Variants in PCDHAC1 observed in about 807,000 individuals in gnomAD.
PCDHAC1 encodes the protein protocadherin alpha subfamily C, 1.
A neutral mutation model predicts 60.0 loss-of-function variants in PCDHAC1; 42 were observed. The ratio of observed to expected loss-of-function variants is 0.70; its 90% CI spans 0.55 to 0.90. The LOEUF (loss-of-function observed/expected upper bound fraction) is 0.90. PCDHAC1 is among the 40% of genes least tolerant of loss of function. The probability of loss-of-function intolerance (pLI) is 0.00; values close to 1 mark genes in which losing one functional copy is unlikely to be tolerated. For missense variants in PCDHAC1, 1,160 were observed against 1,222.3 expected, an observed-to-expected ratio of 0.95 and a Z score of 0.76; for synonymous variants, 468 against 499.3, an observed-to-expected ratio of 0.94 and a Z score of 0.84.
At chr5:140,967,506 T>G in intron 1 of PCDHAC1, 7 of 1,612,946 alleles carry the variant, frequency 4.3e-6, no homozygotes, top group Non-Finnish European at 5.9e-6. Context: ...TCTGTGCGTG[T>G]CCTGGACACT....
intron 3 of PCDHAC1, among the ~76,000 whole-genome samples, chr5:140,990,652 A>T (rs1023448596): frequency 1.3e-4 from 20 of 152,208 alleles, no homozygotes; most frequent in Admixed American, 1.3e-3. Flanking sequence ...GCCAGTATGA[A>T]TGATTTACAT....
intron 3 of PCDHAC1, among the ~76,000 whole-genome samples, chr5:140,984,328 G>A (rs1221209076): frequency 3.3e-5 from 5 of 152,156 alleles, no homozygotes; most frequent in African/African-American, 1.2e-4. Context: ...GGCAAATGTG[G>A]AATAGGAACC....
At chr5:140,966,198 T>C in intron 1 of PCDHAC1, 1 of 214,428 alleles carries the variant, frequency 4.7e-6, no homozygotes, top group Non-Finnish European at 9.1e-6. Context: ...TTCTAGGGGC[T>C]TGACTGCTTT....
Position 140,928,056 on chromosome 5 carries a change from G to A in PCDHAC1, c.1164G>A (p.Thr388=), listed in dbSNP as rs183490994. ...CTAGTGCAGGCCCTTTTCAGCTGAC[G>A]GCTTCCTTTGACAACTACTACAGCC... ...GMSSAGPFQL[T]ASFDNYYSLL... The change falls in exon 1 of 4, where the codon ACG becomes ACA. Residue 388 remains threonine, a synonymous_variant. Coordinates refer to ENST00000253807, the MANE Select transcript of PCDHAC1 (RefSeq NM_018898.5). The A allele has an allele frequency of 2.8e-5, 45 of 1,614,154 alleles. 1 individual carries two copies. The East Asian group carries it at 4.7e-4, about 17-fold the overall frequency.
At position 140,982,439 on chromosome 5, in the gene PCDHAC1, G is replaced by A. The variant is rs553328430; in HGVS notation, c.2493-36G>A. The A allele has an allele frequency of 6.8e-5, 109 of 1,613,560 alleles. 3 individuals carry two copies. In the South Asian group the frequency reaches 1.0e-3, roughly 15 times the overall value. On this transcript the variant is annotated intron_variant, in intron 2 of 3. Transcript: ENST00000253807. ...GAAGAAGAGATGGGAAAGAATTTAT[G>A]ATCTAACCGTTATCTGGGTCTGTGT... is the stretch of plus-strand genomic sequence containing the variant.
Position 140,995,742 on chromosome 5 carries a change from A to G in PCDHAC1, c.2581+13179A>G, listed in dbSNP as rs1354360972. Among the ~76,000 whole-genome samples the G allele has an allele frequency of 7.2e-5, 11 of 152,280 alleles. No individual in the cohort carries two copies. In the East Asian group the frequency reaches 2.1e-3, roughly 29 times the overall value. On this transcript the variant is annotated intron_variant, in intron 3 of 3. Coordinates refer to ENST00000253807, the MANE Select transcript of PCDHAC1 (RefSeq NM_018898.5). Reference sequence around the variant, plus strand: ...CTTAGGTAATCCTGGTGGATTTGGTATATCATGTCTGAGAAAATGTGGAGA... The same window carrying G: ...CTTAGGTAATCCTGGTGGATTTGGTGTATCATGTCTGAGAAAATGTGGAGA...
chr5:140,982,120 T>C (rs1554243763), intron 2 of PCDHAC1, among the ~76,000 whole-genome samples: 1 of 152,256 alleles, frequency 6.6e-6, no homozygotes, highest in Non-Finnish European at 1.5e-5. Context: ...CTTGGAACTT[T>C]TGAGAACAAG....
At chr5:140,931,751 A>G (rs1393748704) in intron 1 of PCDHAC1, among the ~76,000 whole-genome samples, 2 of 151,952 alleles carry the variant, frequency 1.3e-5, no homozygotes, top group African/African-American at 4.8e-5. Context: ...TCACAAAGGC[A>G]TTTGTTATTT....
intron 1 of PCDHAC1, among the ~76,000 whole-genome samples, chr5:140,964,886 T>C (rs529789945): frequency 6.6e-6 from 1 of 152,306 alleles, no homozygotes; most frequent in South Asian, 2.1e-4. Context: ...GCAGCAGTGA[T>C]AGGAGGCTGG....
intron 1 of PCDHAC1, chr5:140,969,506 G>A (rs1262259666): frequency 2.9e-5 from 41 of 1,426,940 alleles, no homozygotes; most frequent in Non-Finnish European, 3.6e-5. Context: ...TAGAAAAATA[G>A]CACTAAAGAA....
At chr5:140,988,182 G>A (rs191995725) in intron 3 of PCDHAC1, among the ~76,000 whole-genome samples, 79 of 152,240 alleles carry the variant, frequency 5.2e-4, no homozygotes, top group African/African-American at 1.5e-3. Flanking sequence ...ACAGTCCTGG[G>A]AGGTGTGTGC....
chr5:140,988,574 T>C (rs538316418), intron 3 of PCDHAC1, among the ~76,000 whole-genome samples: 1 of 152,342 alleles, frequency 6.6e-6, no homozygotes, highest in East Asian at 1.9e-4. Context: ...GAAAACACTC[T>C]GTACCTTCCA....
intron 2 of PCDHAC1, chr5:140,982,255 G>A (rs1226877967): frequency 1.6e-5 from 13 of 791,614 alleles, no homozygotes; most frequent in South Asian, 1.3e-4. Context: ...GATAGAACAT[G>A]TGTGTTCCTG....
At chr5:140,951,545 G>T (rs1019007635) in intron 1 of PCDHAC1, among the ~76,000 whole-genome samples, 2 of 151,950 alleles carry the variant, frequency 1.3e-5, no homozygotes, top group African/African-American at 4.8e-5. Flanking sequence ...GCAAGGGACG[G>T]GGGGAAGTGC....
intron 1 of PCDHAC1, among the ~76,000 whole-genome samples, chr5:140,943,863 G>T (rs2093580168): frequency 1.3e-5 from 2 of 152,186 alleles, no homozygotes; most frequent in Admixed American, 1.3e-4. Context: ...TCAAGAAGAG[G>T]TCTCTGAAGT....
intron 1 of PCDHAC1, among the ~76,000 whole-genome samples, chr5:140,936,730 T>C (rs2091111568): frequency 6.6e-6 from 1 of 152,258 alleles, no homozygotes; most frequent in Non-Finnish European, 1.5e-5. Flanking sequence ...GTGTTAAATA[T>C]AGTAACTTTT....
chr5:140,958,015 C>A (rs573406509), intron 1 of PCDHAC1, among the ~76,000 whole-genome samples: 1 of 151,796 alleles, frequency 6.6e-6, no homozygotes, highest in Non-Finnish European at 1.5e-5. Context: ...TTCTATCAGC[C>A]AAGTATACTA....
intron 1 of PCDHAC1, among the ~76,000 whole-genome samples, chr5:140,935,722 G>A (rs1230672751): frequency 6.6e-6 from 1 of 152,006 alleles, no homozygotes; most frequent in Non-Finnish European, 1.5e-5. Context: ...TATATTTAGA[G>A]AAGTCTAGTA....
chr5:140,941,193 TTC>T (rs1491512649), intron 1 of PCDHAC1, among the ~76,000 whole-genome samples: 2 of 116,638 alleles, frequency 1.7e-5, no homozygotes, highest in Admixed American at 1.7e-4. Flanking sequence ...TTCTTTTTTT[TTC>T]TTTCTTCCTT....
Sources: gnomAD v4.1 joint callset for allele counts (sites outside exome capture counted in the v4.1 genomes callset) on GRCh38, gnomAD v4.1.1 for gene constraint, MANE v1.5 for transcripts, NCBI Gene and HGNC (gene_info 2026-07-23, HGNC 2026-07-21) for gene names.